The following VWA7 variants were observed in gnomAD, a reference collection of about 807,000 sequenced individuals.
VWA7 encodes von Willebrand factor A domain-containing protein 7.
A neutral mutation model predicts 83.1 loss-of-function variants in VWA7; 66 were observed. The observed-to-expected ratio is 0.79, with a 90% CI of 0.65 to 0.98. VWA7 has a LOEUF of 0.98. VWA7 is among the 50% of genes least tolerant of loss of function. VWA7 has a pLI of 0.00. For missense variants in VWA7, 1,080 were observed against 1,160.2 expected (o/e 0.93, Z 1.00); for synonymous variants, 424 against 488.5 (o/e 0.87, Z 1.74).
chr6:31,766,660 C>T lies in VWA7; in HGVS notation c.1987G>A (p.Glu663Lys), dbSNP rs766509804. 1.7e-5 allele frequency: 27 copies of T among 1,612,876 alleles called. No individual in the cohort carries two copies. Among genetic ancestry groups the T allele is most frequent in the South Asian group, 4.4e-5 (4 of 91,090 alleles). The change falls in exon 14 of 17, where the codon GAG becomes AAG. Residue 663 changes from glutamate (E) to lysine (K), a missense_variant. By Grantham distance (56) the Glu-to-Lys change is moderately conservative (BLOSUM62 1). Transcript: ENST00000375688. The surrounding 1 kb of genome is among the most constrained non-coding windows in gnomAD (Gnocchi z 4.9). ...GGCACCTGGCCTAGTTCGGCACCCT[C>T]TGGGACCCCTCGAAGGATGACGTGG... ...FSHVILRGVP[E>K]GAELGQVPLE... is the part of the protein sequence containing the mutation.
Position 31,776,710 on chromosome 6 carries a change from G to C in VWA7, c.70C>G (p.Pro24Ala). 1 of 1,499,824 alleles carries C rather than the reference G, an allele frequency of 6.7e-7. No homozygotes were observed. The highest frequency in any genetic ancestry group is 8.9e-7 in the Non-Finnish European group (1 of 1,120,140). 92.9% of individuals were successfully genotyped at this position (1,499,824 alleles called of 1,614,324 possible). Residue 24 changes from proline to alanine, a missense_variant, in exon 2 of 17, where the codon CCC becomes GCC. Physicochemically the swap from Pro to Ala is conservative, Grantham distance 27 (BLOSUM62 -1). Coordinates refer to ENST00000375688, the MANE Select transcript of VWA7 (RefSeq NM_025258.3). The surrounding 1 kb of genome is among the most constrained non-coding windows in gnomAD (Gnocchi z 6.2). ...TTGGGGAAGAAGGCAGATGTGGGGGGCAGCAACAGCTGCAGCAGAAGCAAC... is the reference window on the plus strand; with the variant it reads ...TTGGGGAAGAAGGCAGATGTGGGGGCCAGCAACAGCTGCAGCAGAAGCAAC... ...SALLLLQLLL[P>A]PTSAFFPNIW...
chr6:31,771,011 C>CAAAAAAA (rs36055758), intron 7 of VWA7, among the ~76,000 whole-genome samples: 1 of 79,046 alleles, frequency 1.3e-5, no homozygotes, highest in Non-Finnish European at 2.3e-5. Context: ...CTCTCTCTCT[C>CAAAAAAA]AAAAAAAAAA....
Position 31,776,446 on chromosome 6 carries a change from A to G in VWA7, c.234+100T>C, listed in dbSNP as rs1019340167. ...GTATTATTGCTGCAGGGGTGGGGCC[A>G]TGGGTGTCTCTTCTCTTGGCAACCA... is the stretch of plus-strand genomic sequence containing the variant. On this transcript the variant is annotated intron_variant, in intron 2 of 16. Transcript: ENST00000375688. This position sits in a 1 kb window ranked among gnomAD's most constrained non-coding sequence, Gnocchi z 6.2. 5 of 1,260,624 alleles carry G rather than the reference A, an allele frequency of 4.0e-6. No homozygotes were observed. Among genetic ancestry groups the G allele is most frequent in the Middle Eastern group, 1.9e-4 (1 of 5,184 alleles). The allele number at this position is 1,260,624 out of a possible 1,614,324, so 78.1% of individuals were successfully genotyped here.
Position 31,775,433 on chromosome 6 carries a change from G to A in VWA7, c.514-4C>T. Reference sequence around the variant, plus strand: ...AGTTGCTATGACTGTAGAAATCCTGGTCCGGAGGACAGGAGAAGGGGAGTG... The same window carrying A: ...AGTTGCTATGACTGTAGAAATCCTGATCCGGAGGACAGGAGAAGGGGAGTG... On this transcript the variant is annotated splice_polypyrimidine_tract_variant and splice_region_variant and intron_variant, in intron 3 of 16. Coordinates refer to ENST00000375688, the MANE Select transcript of VWA7 (RefSeq NM_025258.3). This position sits in a 1 kb window ranked among gnomAD's most constrained non-coding sequence, Gnocchi z 5.9. 3 of 1,610,936 alleles carry A rather than the reference G, an allele frequency of 1.9e-6. No individual in the cohort carries two copies. Among genetic ancestry groups the A allele is most frequent in the Non-Finnish European group, 2.5e-6 (3 of 1,178,850 alleles).
intron 7 of VWA7, among the ~76,000 whole-genome samples, chr6:31,772,667 G>A (rs192980878): frequency 1.8e-4 from 23 of 131,338 alleles, no homozygotes; most frequent in Admixed American, 6.2e-4. Context: ...GCACGATCTC[G>A]GGGCTCACCG....
chr6:31,772,780 G>C (rs1812322223), intron 7 of VWA7, among the ~76,000 whole-genome samples, 174 bp downstream of exon 7: 1 of 151,150 alleles, frequency 6.6e-6, no homozygotes, highest in African/African-American at 2.4e-5. Context: ...TGTATTTTTA[G>C]TAGAGACGGG....
chr6:31,769,691 T>G lies in VWA7; in HGVS notation c.1301A>C (p.Gln434Pro). The G allele has an allele frequency of 6.2e-7, 1 of 1,612,968 alleles. No homozygotes were observed. Among genetic ancestry groups the G allele is most frequent in the Non-Finnish European group, 8.5e-7 (1 of 1,179,972 alleles). ...TCTGCTCACCCGGCAGCGCCGCTCC[T>G]GAGTCAGGGATTCCACCTGGTTGGT... ...FLTNQVESLT[Q>P]ERRCRVTFLV... Residue 434 changes from glutamine (Q) to proline (P), a missense_variant, in exon 9 of 17, where the codon CAG becomes CCG. Gln to Pro is a moderately conservative substitution (Grantham distance 76). Coordinates refer to ENST00000375688, the MANE Select transcript of VWA7 (RefSeq NM_025258.3). This position sits in a 1 kb window ranked among gnomAD's most constrained non-coding sequence, Gnocchi z 4.5.
At position 31,769,618 on chromosome 6, in the gene VWA7, C is replaced by T; in HGVS notation, c.1317+57G>A. The T allele has an allele frequency of 6.8e-7, 1 of 1,481,130 alleles. No individual in the cohort carries two copies. Among genetic ancestry groups the T allele is most frequent in the Non-Finnish European group, 9.4e-7 (1 of 1,062,068 alleles). 91.7% of individuals were successfully genotyped at this position (1,481,130 alleles called of 1,614,324 possible). On this transcript the variant is annotated intron_variant, in intron 9 of 16. Coordinates refer to ENST00000375688, the MANE Select transcript of VWA7 (RefSeq NM_025258.3). This position sits in a 1 kb window ranked among gnomAD's most constrained non-coding sequence, Gnocchi z 4.5. ...AACCCTCGTTATGAGATTGTCATCA[C>T]AGGGTCTCTCACATCCCTGGGAGGC... is the stretch of plus-strand genomic sequence containing the variant.
At position 31,776,207 on chromosome 6, in the gene VWA7, G is replaced by C. The variant is rs267600961; in HGVS notation, c.270C>G (p.Ala90=). Reference sequence around the variant, plus strand: ...GCCGAGAAGAACCAGGTCCAAAGTAGGCGGCAAAGAGGTCATCAGCAAGGA... The same window carrying C: ...GCCGAGAAGAACCAGGTCCAAAGTACGCGGCAAAGAGGTCATCAGCAAGGA... The part of the protein sequence containing the change: ...RTLLADDLFA[A]YFGPGSSRRF... The change falls in exon 3 of 17, where the codon GCC becomes GCG. Residue 90 remains alanine, a synonymous_variant. Transcript: ENST00000375688. The surrounding 1 kb of genome is among the most constrained non-coding windows in gnomAD (Gnocchi z 6.2). 3 of 1,614,044 alleles carry C rather than the reference G, an allele frequency of 1.9e-6. No homozygotes were observed. The highest frequency in any genetic ancestry group is 2.5e-6 in the Non-Finnish European group (3 of 1,180,026).
intron 7 of VWA7, among the ~76,000 whole-genome samples, chr6:31,772,557 A>ATCTTTTCTTTTTTTTTTCTT (rs1274180136): frequency 1.7e-5 from 1 of 58,662 alleles, no homozygotes; most frequent in African/African-American, 6.7e-5. Context: ...TTACCTTTTT[A>ATCTTTTCTTTTTTTTTTCTT]TCTTTTCTTT....
chr6:31,766,016 C>A lies in VWA7; in HGVS notation c.2366G>T (p.Trp789Leu), dbSNP rs1381724821. 6.2e-7 allele frequency: 1 copy of A among 1,612,800 alleles called. No homozygotes were observed. Among genetic ancestry groups the A allele is most frequent in the East Asian group, 2.2e-5 (1 of 44,888 alleles). ...GGCCGCTGAATCTGGGACCTCCAGC[C>A]ACAGGCGGCCCCAGGCCGACTCATT... ...ELNESAWGRL[W>L]LEVPDSAAPD... Residue 789 changes from tryptophan to leucine, a missense_variant, in exon 16 of 17, where the codon TGG becomes TTG. By Grantham distance (61) the Trp-to-Leu change is moderately conservative. Coordinates refer to ENST00000375688, the MANE Select transcript of VWA7 (RefSeq NM_025258.3). The surrounding 1 kb of genome is among the most constrained non-coding windows in gnomAD (Gnocchi z 4.9).
At position 31,766,411 on chromosome 6, in the gene VWA7, G is replaced by C. The variant is rs1811580547; in HGVS notation, c.2185-27C>G. The C allele has an allele frequency of 6.3e-7, 1 of 1,582,020 alleles. No individual in the cohort carries two copies. The highest frequency in any genetic ancestry group is 1.3e-5 in the African/African-American group (1 of 74,468). ...TGCAGAGAAGGGTTCTTCAGGGAAG[G>C]GGCCGCTCTAACTCTCTCCAGCCCC... On this transcript the variant is annotated intron_variant, in intron 14 of 16. Coordinates refer to ENST00000375688, the MANE Select transcript of VWA7 (RefSeq NM_025258.3). This position sits in a 1 kb window ranked among gnomAD's most constrained non-coding sequence, Gnocchi z 4.9.
At position 31,773,424 on chromosome 6, in the gene VWA7, G is replaced by C; in HGVS notation, c.735C>G (p.His245Gln). 6.3e-7 allele frequency: 1 copy of C among 1,593,678 alleles called. No homozygotes were observed. Among genetic ancestry groups the C allele is most frequent in the African/African-American group, 1.3e-5 (1 of 74,510 alleles). ...AGCTGCTCCGGTCAAAATGGCCCCC[G>C]TGGCTACATTTCCCTGGGTTGGGGA... ...HPPKPPGKCS[H>Q]GGHFDRSSSQ... The change falls in exon 6 of 17, where the codon CAC (histidine) becomes CAG (glutamine). Residue 245 changes from histidine to glutamine, a missense_variant. Transcript: ENST00000375688. The surrounding 1 kb of genome is among the most constrained non-coding windows in gnomAD (Gnocchi z 5.3).
Position 31,769,196 on chromosome 6 carries a change from A to T in VWA7, c.1325T>A (p.Phe442Tyr). ...CCTTGATGTATCTTCAGTCACCAGG[A>T]ATGTTACCTGTACCCAGAAGAGAGC... is the stretch of plus-strand genomic sequence containing the variant. ...LTQERRCRVT[F>Y]LVTEDTSRVQ... Residue 442 changes from phenylalanine to tyrosine, a missense_variant, in exon 10 of 17, where the codon TTC becomes TAC. Phe to Tyr is a conservative substitution (Grantham distance 22). Coordinates refer to ENST00000375688, the MANE Select transcript of VWA7 (RefSeq NM_025258.3). This position sits in a 1 kb window ranked among gnomAD's most constrained non-coding sequence, Gnocchi z 4.5. The T allele has an allele frequency of 6.2e-7, 1 of 1,612,714 alleles. No homozygotes were observed. Among genetic ancestry groups the T allele is most frequent in the Non-Finnish European group, 8.5e-7 (1 of 1,179,888 alleles).
At position 31,776,854 on chromosome 6, in the gene VWA7, C is replaced by T. The variant is rs1812733301; in HGVS notation, c.-15-60G>A. ...CAGCCGCGATTCCAGGGCAGGCCGG[C>T]TCTGCGGGTCTCCATGGGAACCTGC... is the stretch of plus-strand genomic sequence containing the variant. On this transcript the variant is annotated intron_variant, in intron 1 of 16. Transcript: ENST00000375688. This position sits in a 1 kb window ranked among gnomAD's most constrained non-coding sequence, Gnocchi z 6.2. 1 of 985,240 alleles carries T rather than the reference C, an allele frequency of 1.0e-6. No individual in the cohort carries two copies. Among genetic ancestry groups the T allele is most frequent in the Non-Finnish European group, 1.4e-6 (1 of 710,926 alleles). 61.0% of individuals were successfully genotyped at this position (985,240 alleles called of 1,614,324 possible). A position where few individuals can be genotyped will look rare whatever the true frequency, so the allele number is the denominator to read the frequency against.
rs576229707 is a variant in VWA7, at chr6:31,769,686, G to T, written c.1306C>A (p.Arg436=). The T allele has an allele frequency of 5.0e-6, 8 of 1,612,712 alleles. No individual in the cohort carries two copies. The highest frequency in any genetic ancestry group is 6.8e-6 in the Non-Finnish European group (8 of 1,179,864). ...TNQVESLTQE[R]RCRVTFLVTE... ...CTAGCTCTGCTCACCCGGCAGCGCC[G>T]CTCCTGAGTCAGGGATTCCACCTGG... Residue 436 remains arginine, a synonymous_variant, in exon 9 of 17, where the codon CGG becomes AGG. Coordinates refer to ENST00000375688, the MANE Select transcript of VWA7 (RefSeq NM_025258.3). The surrounding 1 kb of genome is among the most constrained non-coding windows in gnomAD (Gnocchi z 4.5).
Position 31,765,933 on chromosome 6 carries a change from G to C in VWA7, c.2449C>G (p.Pro817Ala), listed in dbSNP as rs1357573684. 1.2e-6 allele frequency: 2 copies of C among 1,613,126 alleles called. No homozygotes were observed. Among genetic ancestry groups the C allele is most frequent in the East Asian group, 4.5e-5 (2 of 44,886 alleles). ...AGCCGGAGGAAAGCATGAGTCGGGG[G>C]TACTGGGTTGGCTTCTCGTCCCCCT... ...TAGGREANPV[P>A]PTHAFLRLLV... is the part of the protein sequence containing the mutation. The change falls in exon 16 of 17, where the codon CCC becomes GCC. Residue 817 changes from proline (P) to alanine (A), a missense_variant. Transcript: ENST00000375688.
rs1562262809 is a variant in VWA7 at position 31,766,218 on chromosome 6, G to C, written c.2324+27C>G. The C allele has an allele frequency of 6.2e-7, 1 of 1,608,796 alleles. No individual in the cohort carries two copies. The highest frequency in any genetic ancestry group is 8.5e-7 in the Non-Finnish European group (1 of 1,178,108). On this transcript the variant is annotated intron_variant, in intron 15 of 16. Coordinates refer to ENST00000375688, the MANE Select transcript of VWA7 (RefSeq NM_025258.3). The surrounding 1 kb of genome is among the most constrained non-coding windows in gnomAD (Gnocchi z 4.9). ...AGCATTGGCCGGGCAAGATGCCAGA[G>C]GGAGCTGGAGGGTTCATGAGCCTCA...
At chr6:31,772,800 T>C (rs1399342643) in intron 7 of VWA7, among the ~76,000 whole-genome samples, 154 bp downstream of exon 7, 2 of 151,644 alleles carry the variant, frequency 1.3e-5, no homozygotes, top group Admixed American at 6.6e-5. Flanking sequence ...GGTTTCTCCA[T>C]ATTAGTCAGG....
Sources: gnomAD v4.1 joint callset for allele counts (sites outside exome capture counted in the v4.1 genomes callset) on GRCh38, gnomAD v4.1.1 for gene constraint, Gnocchi (gnomAD v3.1) non-coding constraint, MANE v1.5 for transcripts, NCBI Gene and HGNC (gene_info 2026-07-23, HGNC 2026-07-21) for gene names.